Variants in GLRA3 observed in about 807,000 individuals in gnomAD.
GLRA3 encodes the protein glycine receptor subunit alpha-3.
GLRA3 carries 44 observed loss-of-function variants against 60.4 expected under a neutral mutation model. The ratio of observed to expected loss-of-function variants is 0.73; its 90% CI spans 0.57 to 0.94. The LOEUF (loss-of-function observed/expected upper bound fraction) is 0.94. GLRA3 is among the 40% of genes least tolerant of loss of function. GLRA3 has a pLI of 0.00. For synonymous variants in GLRA3, 223 were observed against 192.9 expected (o/e 1.16, Z -1.29); for missense variants, 508 against 564.6 (o/e 0.90, Z 1.02).
chr4:174,785,696 T>C (rs1029124244), intron 2 of GLRA3, among the ~76,000 whole-genome samples: 1 of 152,162 alleles, frequency 6.6e-6, no homozygotes, highest in South Asian at 2.1e-4. Context: ...GTTATGTTTC[T>C]GTGTGTTTAG....
intron 5 of GLRA3, among the ~76,000 whole-genome samples, chr4:174,683,486 G>A (rs566566086): frequency 6.6e-6 from 1 of 152,232 alleles, no homozygotes; most frequent in East Asian, 1.9e-4. Flanking sequence ...GAGTAGCTGG[G>A]ACTACAGGCA....
In GLRA3 at chr4:174,639,627, G is replaced by A. The variant is rs951816459; in HGVS notation, c.*4159C>T. 6.6e-6 allele frequency: 1 copy of A among 152,036 alleles called. No individual in the cohort carries two copies. The highest frequency in any genetic ancestry group is 2.4e-5 in the African/African-American group (1 of 41,408). The allele number at this position is 152,036 out of a possible 1,614,324, so 9.4% of individuals were successfully genotyped here. A position where few individuals can be genotyped will look rare whatever the true frequency, so the allele number is the denominator to read the frequency against. On this transcript the variant is annotated 3_prime_UTR_variant, in exon 10 of 10. Transcript: ENST00000274093. ...TTACACATGGCCTATAAGTATCTTT[G>A]TTATGGAAGAATATGCATCACTTTA...
chr4:174,750,771 T>C (rs1737442925), intron 3 of GLRA3, among the ~76,000 whole-genome samples: 1 of 152,218 alleles, frequency 6.6e-6, no homozygotes, highest in South Asian at 2.1e-4. Context: ...CTGCAGATGG[T>C]TGCTCAGGAG....
intron 5 of GLRA3, among the ~76,000 whole-genome samples, chr4:174,700,098 G>C (rs1367278644): frequency 6.6e-6 from 1 of 152,150 alleles, no homozygotes; most frequent in African/African-American, 2.4e-5. Context: ...TAATGGAGAT[G>C]ACAGAAACAG....
intron 2 of GLRA3, among the ~76,000 whole-genome samples, chr4:174,769,424 C>T (rs1381247529): frequency 6.6e-6 from 1 of 152,080 alleles, no homozygotes; most frequent in Non-Finnish European, 1.5e-5. Context: ...AGAACATTTT[C>T]CTGATATTGG....
At chr4:174,826,162 A>G (rs1296839953) in intron 1 of GLRA3, among the ~76,000 whole-genome samples, 1 of 152,158 alleles carries the variant, frequency 6.6e-6, no homozygotes, top group Non-Finnish European at 1.5e-5. Flanking sequence ...GTAGTAACAA[A>G]CCCTAAGAAA....
chr4:174,766,378 C>T (rs1738144282), intron 3 of GLRA3, among the ~76,000 whole-genome samples: 1 of 151,856 alleles, frequency 6.6e-6, no homozygotes, highest in South Asian at 2.1e-4. Flanking sequence ...AGCTAAAGGG[C>T]AAAGCAGAGA....
At position 174,637,083 on chromosome 4, in the gene GLRA3, T is replaced by A. The variant is rs577751655; in HGVS notation, c.*6703A>T. ...AAAAACAAGTTGATGAAATCGTGCATAAATTTTTAAATATGTTTTCAGTAT... is the reference window on the plus strand; with the variant it reads ...AAAAACAAGTTGATGAAATCGTGCAAAAATTTTTAAATATGTTTTCAGTAT... On this transcript the variant is annotated 3_prime_UTR_variant, in exon 10 of 10. Coordinates refer to ENST00000274093, the MANE Select transcript of GLRA3 (RefSeq NM_006529.4). 1.3e-5 allele frequency: 2 copies of A among 152,312 alleles called. No homozygotes were observed. Among genetic ancestry groups the A allele is most frequent in the East Asian group, 3.9e-4 (2 of 5,182 alleles). 9.4% of individuals were successfully genotyped at this position (152,312 alleles called of 1,614,324 possible). A position where few individuals can be genotyped will look rare whatever the true frequency, so the allele number is the denominator to read the frequency against.
At chr4:174,749,010 G>A (rs1333597882) in intron 3 of GLRA3, among the ~76,000 whole-genome samples, 3 of 152,198 alleles carry the variant, frequency 2.0e-5, no homozygotes, top group East Asian at 1.9e-4. Flanking sequence ...GTATCATTGA[G>A]TTTTTCCACA....
At chr4:174,732,193 A>G (rs762958388) in intron 3 of GLRA3, among the ~76,000 whole-genome samples, 1 of 152,076 alleles carries the variant, frequency 6.6e-6, no homozygotes, top group Non-Finnish European at 1.5e-5. Context: ...CATCTCTACT[A>G]AAAACACAAA....
chr4:174,728,451 C>G (rs772265168), intron 4 of GLRA3, 24 bp downstream of exon 4: 1 of 1,242,090 alleles, frequency 8.1e-7, no homozygotes, highest in Non-Finnish European at 1.2e-6. Context: ...TCACTGAAAT[C>G]GGCAATTTAA....
rs548409749 is a variant in GLRA3 at position 174,759,840 on chromosome 4, G to A, written c.267+7123C>T. Reference sequence around the variant, plus strand: ...TGCCTACCTTACAAATTACATGTACGTATACATATACAACTGTACAAAACT... The same window carrying A: ...TGCCTACCTTACAAATTACATGTACATATACATATACAACTGTACAAAACT... On this transcript the variant is annotated intron_variant, in intron 3 of 9. Coordinates refer to ENST00000274093, the MANE Select transcript of GLRA3 (RefSeq NM_006529.4). Among the ~76,000 whole-genome samples the A allele has an allele frequency of 9.9e-5, 15 of 152,120 alleles. No individual in the cohort carries two copies. The South Asian group carries it at 2.3e-3, about 23-fold the overall frequency.
rs546412560 is a variant in GLRA3 at position 174,806,202 on chromosome 4, C to A, written c.72-17259G>T. On this transcript the variant is annotated intron_variant, in intron 1 of 9. Coordinates refer to ENST00000274093, the MANE Select transcript of GLRA3 (RefSeq NM_006529.4). ...GCTTAAAATTATAAACTTAAATCTGCAGCTTTACACACACATCTCATTATA... is the reference window on the plus strand; with the variant it reads ...GCTTAAAATTATAAACTTAAATCTGAAGCTTTACACACACATCTCATTATA... Among the ~76,000 whole-genome samples, 3 of 152,226 alleles carry A rather than the reference C, an allele frequency of 2.0e-5. No individual in the cohort carries two copies. The South Asian group carries it at 6.2e-4, about 32-fold the overall frequency.
chr4:174,716,981 G>T (rs879549780), intron 4 of GLRA3, among the ~76,000 whole-genome samples: 1 of 151,680 alleles, frequency 6.6e-6, no homozygotes, highest in Non-Finnish European at 1.5e-5. Context: ...AGAGAGGATC[G>T]CTTGAGCCCA....
At chr4:174,775,616 G>A (rs368175679) in intron 2 of GLRA3, among the ~76,000 whole-genome samples, 220 of 152,274 alleles carry the variant, frequency 1.4e-3, no homozygotes, top group African/African-American at 5.0e-3. Context: ...AGTCATAAGA[G>A]GGACCCCAAG....
intron 2 of GLRA3, among the ~76,000 whole-genome samples, chr4:174,782,567 C>T (rs1738928145): frequency 6.6e-6 from 1 of 151,978 alleles, no homozygotes; most frequent in Non-Finnish European, 1.5e-5. Flanking sequence ...ATCTAGAAAA[C>T]CCCATTGTCT....
rs116010153 is a variant in GLRA3, at chr4:174,800,530, A to G, written c.72-11587T>C. Among the ~76,000 whole-genome samples, 727 of 152,126 alleles carry G rather than the reference A, an allele frequency of 4.8e-3. 3 individuals are homozygous for G. The highest frequency in any genetic ancestry group is 0.017 in the African/African-American group (691 of 41,516). On this transcript the variant is annotated intron_variant, in intron 1 of 9. Coordinates refer to ENST00000274093, the MANE Select transcript of GLRA3 (RefSeq NM_006529.4). Reference sequence around the variant, plus strand: ...CCTGATTTCATTTATTTTCCAATAAACAACACCCTCTCTACAGGGTCATTC... The same window carrying G: ...CCTGATTTCATTTATTTTCCAATAAGCAACACCCTCTCTACAGGGTCATTC...
At chr4:174,732,328 C>T (rs1736584236) in intron 3 of GLRA3, among the ~76,000 whole-genome samples, 1 of 151,070 alleles carries the variant, frequency 6.6e-6, no homozygotes, top group South Asian at 2.1e-4. Flanking sequence ...GCACTCCAGC[C>T]TGGCGACAGA....
intron 4 of GLRA3, among the ~76,000 whole-genome samples, chr4:174,719,852 T>C (rs532360896): frequency 8.5e-5 from 13 of 152,300 alleles, no homozygotes; most frequent in African/African-American, 3.1e-4. Context: ...TTTTATAGCA[T>C]TGTAAATTGA....
Sources: gnomAD v4.1 joint callset for allele counts (sites outside exome capture counted in the v4.1 genomes callset) on GRCh38, gnomAD v4.1.1 for gene constraint, MANE v1.5 for transcripts, NCBI Gene and HGNC (gene_info 2026-07-23, HGNC 2026-07-21) for gene names.